CORO6: variants seen among roughly 807,000 people sequenced by gnomAD.
CORO6 encodes coronin-6.
CORO6 carries 43 observed loss-of-function variants against 49.0 expected under a neutral mutation model. The observed-to-expected ratio is 0.88, with a 90% confidence interval of 0.69 to 1.13. CORO6 has a LOEUF of 1.13. Ranked by LOEUF, CORO6 falls within the 50% of genes most tolerant of loss-of-function variation. The pLI is 0.00. For synonymous variants in CORO6, 233 were observed against 256.5 expected (o/e 0.91, Z 0.88); for missense variants, 650 against 647.0 (o/e 1.00, Z -0.05).
chr17:29,621,597 G>A lies in CORO6; in HGVS notation c.-63-113C>T, dbSNP rs2035310264. On this transcript the variant is annotated intron_variant, in intron 1 of 10. Transcript: ENST00000388767. This position sits in a 1 kb window ranked among gnomAD's most constrained non-coding sequence, Gnocchi z 4.2. ...CTAGAAGCAGGGAGCTTTCTTCAAG[G>A]TGGTCAAAGTATGGGAAAGTTATTT... is the stretch of plus-strand genomic sequence containing the variant. The A allele has an allele frequency of 3.5e-6, 4 of 1,147,244 alleles. No homozygotes were observed. The East Asian group carries it at 1.0e-4, about 30-fold the overall frequency. The allele number at this position is 1,147,244 out of a possible 1,614,324, so 71.1% of individuals were successfully genotyped here. A position where few individuals can be genotyped will look rare whatever the true frequency, so the allele number is the denominator to read the frequency against.
intron 5 of CORO6, chr17:29,617,957 G>T: frequency 1.8e-6 from 2 of 1,120,666 alleles, no homozygotes; most frequent in Non-Finnish European, 2.4e-6. Context: ...GCTCCGCTCT[G>T]GCCTCTTGGG....
In CORO6 at chr17:29,616,810, T is replaced by G. The variant is rs952714904; in HGVS notation, c.896A>C (p.Glu299Ala). The change falls in exon 8 of 11, where the codon GAG becomes GCG. Residue 299 changes from glutamate to alanine, a missense_variant. Glu to Ala is a moderately radical substitution (Grantham distance 107, BLOSUM62 -1). Transcript: ENST00000388767. This position sits in a 1 kb window ranked among gnomAD's most constrained non-coding sequence, Gnocchi z 5.6. Reference protein sequence around the residue: ...SSIRYFEITDEPPFVHYLNTF... With the variant: ...SSIRYFEITDAPPFVHYLNTF... ...GTTCAGGTAGTGCACGAAAGGCGGC[T>G]CGTCGGTAATCTCAAAGTACCGAAT... is the stretch of plus-strand genomic sequence containing the variant. 1 of 1,613,762 alleles carries G rather than the reference T, an allele frequency of 6.2e-7. No individual in the cohort carries two copies. Among genetic ancestry groups the G allele is most frequent in the Admixed American group, 1.7e-5 (1 of 60,012 alleles).
Position 29,616,312 on chromosome 17 carries a change from C to T in CORO6, c.1029G>A (p.Lys343=). 1 of 1,609,786 alleles carries T rather than the reference C, an allele frequency of 6.2e-7. No individual in the cohort carries two copies. Among genetic ancestry groups the T allele is most frequent in the Non-Finnish European group, 8.5e-7 (1 of 1,177,940 alleles). The change falls in exon 9 of 11, where the codon AAG becomes AAA. Residue 343 remains lysine (K), a synonymous_variant. Transcript: ENST00000388767. This position sits in a 1 kb window ranked among gnomAD's most constrained non-coding sequence, Gnocchi z 5.6. ...IARFYKLHER[K]CEPIIMTVPR... ...GCACAGTCATGATGATAGGTTCACACTTTCTTTCGTGTAGCTTGTAGAACC... is the reference window on the plus strand; with the variant it reads ...GCACAGTCATGATGATAGGTTCACATTTTCTTTCGTGTAGCTTGTAGAACC...
chr17:29,617,239 T>A, intron 6 of CORO6, 197 bp from the exon 7 acceptor site: 3 of 1,535,362 alleles, frequency 2.0e-6, no homozygotes, highest in Non-Finnish European at 2.6e-6. Flanking sequence ...CCTGCACATA[T>A]ACCCGCTGCG....
Position 29,618,808 on chromosome 17 carries a change from T to A in CORO6, c.615A>T (p.Arg205Ser), listed in dbSNP as rs1372675655. 2 of 1,613,750 alleles carry A rather than the reference T, an allele frequency of 1.2e-6. No individual in the cohort carries two copies. The highest frequency in any genetic ancestry group is 1.7e-6 in the Non-Finnish European group (2 of 1,180,002). Residue 205 changes from arginine (R) to serine (S), a missense_variant, in exon 5 of 11, where the codon AGA becomes AGT. Physicochemically the swap from Arg to Ser is moderately radical, Grantham distance 110 (BLOSUM62 -1). Transcript: ENST00000388767. ...KDKTLRIIDP[R>S]KGQVVAERFA... The stretch of plus-strand genomic sequence containing the variant: ...CACTCACCGCCACCACTTGGCCTTT[T>A]CTGGGGTCAATGATGCGCAAGGTCT...
rs920897678 is a variant in CORO6 at position 29,622,903 on chromosome 17, C to G, written c.-279G>C. On this transcript the variant is annotated 5_prime_UTR_variant, in exon 1 of 11. Coordinates refer to ENST00000388767, the MANE Select transcript of CORO6 (RefSeq NM_032854.4). ...AGCCCCAGCTGCCGCTGCCATCAAC[C>G]TAAGAGGGCGGGGCTAGCATAGGGG... 38 of 1,139,404 alleles carry G rather than the reference C, an allele frequency of 3.3e-5. No individual in the cohort carries two copies. The highest frequency in any genetic ancestry group is 3.9e-5 in the African/African-American group (1 of 25,516). The allele number at this position is 1,139,404 out of a possible 1,614,324, so 70.6% of individuals were successfully genotyped here. A position where few individuals can be genotyped will look rare whatever the true frequency, so the allele number is the denominator to read the frequency against.
At position 29,616,392 on chromosome 17, in the gene CORO6, T is replaced by C. The variant is rs2034917789; in HGVS notation, c.1005-56A>G. 7 of 1,518,910 alleles carry C rather than the reference T, an allele frequency of 4.6e-6. 1 individual carries two copies. In the South Asian group the frequency reaches 8.2e-5, roughly 18 times the overall value. 94.1% of individuals were successfully genotyped at this position (1,518,910 alleles called of 1,614,324 possible). A position where few individuals can be genotyped will look rare whatever the true frequency, so the allele number is the denominator to read the frequency against. ...AGACTTCCACGTCCTTAACTTCTCC[T>C]GTCTAAGACCAAGGGGGTTGGAGGC... On this transcript the variant is annotated intron_variant, in intron 8 of 10. Transcript: ENST00000388767. The surrounding 1 kb of genome is among the most constrained non-coding windows in gnomAD (Gnocchi z 5.6).
Position 29,619,092 on chromosome 17 carries a change from T to C in CORO6, c.419A>G (p.His140Arg). 6.2e-7 allele frequency: 1 copy of C among 1,613,384 alleles called. No homozygotes were observed. The highest frequency in any genetic ancestry group is 2.2e-5 in the East Asian group (1 of 44,846). ...GAGCAGGACATTCCTGGCAGTAGGG[T>C]GCCAGGAGAGGATGCCCACACGCTT... is the stretch of plus-strand genomic sequence containing the variant. ...HSKRVGILSW[H>R]PTARNVLLSA... Residue 140 changes from histidine to arginine, a missense_variant, in exon 4 of 11, where the codon CAC (histidine) becomes CGC (arginine). By Grantham distance (29) the His-to-Arg change is conservative. Transcript: ENST00000388767.
intron 5 of CORO6, 134 bp downstream of exon 5, chr17:29,618,655 AG>A (rs1210969644): frequency 4.8e-5 from 68 of 1,427,324 alleles, no homozygotes; most frequent in Non-Finnish European, 6.3e-5. Flanking sequence ...AGACGGGGGA[AG>A]GGGGCTAGTC....
intron 1 of CORO6, 87 bp downstream of exon 1, chr17:29,622,601 G>C (rs1016595885): frequency 5.3e-6 from 4 of 747,932 alleles, no homozygotes; most frequent in African/African-American, 2.0e-5. Context: ...TTGGCGGCGC[G>C]GGGGGAGGAG....
rs2035308197 is a variant in CORO6, at chr17:29,621,517, G to C, written c.-63-33C>G. On this transcript the variant is annotated intron_variant, in intron 1 of 10. Transcript: ENST00000388767. This position sits in a 1 kb window ranked among gnomAD's most constrained non-coding sequence, Gnocchi z 4.2. ...AGGGAGGAGGAGTGGAGGGGTGGCTGATGAGAAGGGTTATGTGGTCAGGAG... is the reference window on the plus strand; with the variant it reads ...AGGGAGGAGGAGTGGAGGGGTGGCTCATGAGAAGGGTTATGTGGTCAGGAG... 1 of 1,530,158 alleles carries C rather than the reference G, an allele frequency of 6.5e-7. No homozygotes were observed. The highest frequency in any genetic ancestry group is 2.0e-5 in the Admixed American group (1 of 50,664). 94.8% of individuals were successfully genotyped at this position (1,530,158 alleles called of 1,614,324 possible). A position where few individuals can be genotyped will look rare whatever the true frequency, so the allele number is the denominator to read the frequency against.
intron 6 of CORO6, 119 bp from the exon 7 acceptor site, chr17:29,617,161 G>T: frequency 6.4e-7 from 1 of 1,555,146 alleles, no homozygotes; most frequent in South Asian, 1.1e-5. Context: ...AACCTCTAGT[G>T]ACCAGAGTTG....
chr17:29,621,014 G>C lies in CORO6; in HGVS notation c.198+210C>G, dbSNP rs1425355308. Among the ~76,000 whole-genome samples the C allele has an allele frequency of 1.3e-5, 2 of 152,108 alleles. No individual in the cohort carries two copies. The highest frequency in any genetic ancestry group is 2.9e-5 in the Non-Finnish European group (2 of 67,992). Reference sequence around the variant, plus strand: ...GGGTGGTGCATGGAGAGGTGGGAGGGCTAGGGAGTGGGAGTAAGCCACCCT... The same window carrying C: ...GGGTGGTGCATGGAGAGGTGGGAGGCCTAGGGAGTGGGAGTAAGCCACCCT... On this transcript the variant is annotated intron_variant, in intron 2 of 10. Coordinates refer to ENST00000388767, the MANE Select transcript of CORO6 (RefSeq NM_032854.4). This position sits in a 1 kb window ranked among gnomAD's most constrained non-coding sequence, Gnocchi z 4.2.
intron 3 of CORO6, 98 bp downstream of exon 3, chr17:29,619,553 C>T (rs1288240485): frequency 8.1e-7 from 1 of 1,240,966 alleles, no homozygotes; most frequent in Non-Finnish European, 1.2e-6. Context: ...GACCCAGCAC[C>T]TCCCTTATTA....
rs1239676006 is a variant in CORO6, at chr17:29,616,119, T to C, written c.1119A>G (p.Leu373=). ...GGCCGGATAGCCATTCGTCCGCTTCTAGGGCCGGCTCCGGGCCTGGCGTAT... is the reference window on the plus strand; with the variant it reads ...GGCCGGATAGCCATTCGTCCGCTTCCAGGGCCGGCTCCGGGCCTGGCGTAT... The part of the protein sequence containing the change: ...YPDTPGPEPA[L]EADEWLSGQD... Residue 373 remains leucine (L), a synonymous_variant, in exon 10 of 11, where the codon CTA becomes CTG. Coordinates refer to ENST00000388767, the MANE Select transcript of CORO6 (RefSeq NM_032854.4). The surrounding 1 kb of genome is among the most constrained non-coding windows in gnomAD (Gnocchi z 5.6). 13 of 1,613,236 alleles carry C rather than the reference T, an allele frequency of 8.1e-6. No individual in the cohort carries two copies. The Admixed American group carries it at 8.3e-5, about 10-fold the overall frequency.
At chr17:29,617,469 G>A in intron 6 of CORO6, 31 bp downstream of exon 6, 2 of 1,589,622 alleles carry the variant, frequency 1.3e-6, no homozygotes, top group Non-Finnish European at 1.7e-6. Context: ...CAGTCCCCGA[G>A]GCACACACCC....
chr17:29,619,888 C>G, intron 2 of CORO6, 115 bp from the exon 3 acceptor site: 2 of 897,068 alleles, frequency 2.2e-6, no homozygotes, highest in Non-Finnish European at 3.5e-6. Flanking sequence ...TTGCAGATCC[C>G]TCTCTGCACT....
intron 1 of CORO6, 116 bp downstream of exon 1, chr17:29,622,572 T>TC (rs894314725): frequency 6.2e-5 from 30 of 484,956 alleles, no homozygotes; most frequent in African/African-American, 6.1e-4. Flanking sequence ...CACCACGTCC[T>TC]CCCCGCCCGA....
intron 2 of CORO6, among the ~76,000 whole-genome samples, chr17:29,620,978 T>G (rs1266628933): frequency 6.6e-6 from 1 of 152,068 alleles, no homozygotes; most frequent in East Asian, 1.9e-4. Flanking sequence ...TCCTGGTCCC[T>G]GCTGGGAATG....
Sources: gnomAD v4.1 joint callset for allele counts (sites outside exome capture counted in the v4.1 genomes callset) on GRCh38, gnomAD v4.1.1 for gene constraint, Gnocchi (gnomAD v3.1) non-coding constraint, MANE v1.5 for transcripts, NCBI Gene and HGNC (gene_info 2026-07-23, HGNC 2026-07-21) for gene names.